Variants in UGT2B11 observed in about 807,000 individuals in gnomAD.
UGT2B11 encodes UDP-glucuronosyltransferase 2B11.
Under a neutral mutation model 51.7 loss-of-function variants are expected in UGT2B11, and 49 were observed. That is an observed-to-expected ratio of 0.95 (90% confidence interval 0.75 to 1.20). The LOEUF (loss-of-function observed/expected upper bound fraction) is 1.20. Among genes scored for constraint, UGT2B11 ranks in the 50% most tolerant of loss-of-function variants. The pLI is 0.00. For missense variants in UGT2B11, 810 were observed against 622.1 expected (o/e 1.30, Z -3.21); for synonymous variants, 273 against 209.0 (o/e 1.31, Z -2.64).
At chr4:69,212,853 A>G (rs984459227) in intron 1 of UGT2B11, 132 bp from the exon 2 acceptor site, 8 of 763,764 alleles carry the variant, frequency 1.0e-5, no homozygotes, top group Non-Finnish European at 1.2e-5. Context: ...ATATAAATAT[A>G]TATGAATAAT....
At chr4:69,209,698 C>T (rs896079139) in intron 2 of UGT2B11, among the ~76,000 whole-genome samples, 6 of 151,438 alleles carry the variant, frequency 4.0e-5, no homozygotes, top group Non-Finnish European at 7.4e-5. Context: ...ATACCTGGGG[C>T]TTCTAGGTGT....
chr4:69,211,943 C>T (rs1722080602), intron 2 of UGT2B11, among the ~76,000 whole-genome samples: 2 of 151,454 alleles, frequency 1.3e-5, no homozygotes, highest in South Asian at 4.2e-4. Context: ...TTAGTCATTC[C>T]CTGAAAACAA....
At chr4:69,217,402 A>G (rs2109959253), upstream of UGT2B11, among the ~76,000 whole-genome samples, 1 of 152,240 alleles carries the variant, frequency 6.6e-6, no homozygotes, top group East Asian at 1.9e-4. Flanking sequence ...TTCTGAGCAA[A>G]TATTGCCTGC....
At chr4:69,216,181 A>C (rs577258668), upstream of UGT2B11, 5 of 152,196 alleles carry the variant, frequency 3.3e-5, no homozygotes, top group South Asian at 6.2e-4. Flanking sequence ...CACTACTGAG[A>C]ACTGACATCT....
At chr4:69,213,131 C>G (rs1343934513) in intron 1 of UGT2B11, among the ~76,000 whole-genome samples, 1 of 150,582 alleles carries the variant, frequency 6.6e-6, no homozygotes, top group East Asian at 1.9e-4. Flanking sequence ...GTTTACACAA[C>G]TCATTAAGCT....
At chr4:69,215,353 T>C (rs1299634593), upstream of UGT2B11, 3 of 152,026 alleles carry the variant, frequency 2.0e-5, no homozygotes, top group Middle Eastern at 3.1e-3. Context: ...CTATTCAGGA[T>C]CTTTTTAAAA....
chr4:69,220,242 T>A, the UGT2B11 span, among the ~76,000 whole-genome samples: 1 of 104,910 alleles, frequency 9.5e-6, no homozygotes, highest in Non-Finnish European at 1.9e-5. Flanking sequence ...GCGGTGGGAT[T>A]CCATGGTCTT....
intron 2 of UGT2B11, among the ~76,000 whole-genome samples, chr4:69,212,222 T>C (rs1722092520): frequency 6.6e-6 from 1 of 151,298 alleles, no homozygotes; most frequent in African/African-American, 2.4e-5. Context: ...ACTGTGTCTA[T>C]TTTTTTTCTC....
intron 5 of UGT2B11, among the ~76,000 whole-genome samples, chr4:69,203,730 G>A (rs1259926118): frequency 6.6e-6 from 1 of 151,738 alleles, no homozygotes; most frequent in East Asian, 1.9e-4. Context: ...ATTAGGCTAT[G>A]TGAAATGTCA....
chr4:69,210,630 G>T (rs1291011812), intron 2 of UGT2B11, among the ~76,000 whole-genome samples: 34 of 151,340 alleles, frequency 2.2e-4, no homozygotes, highest in African/African-American at 4.4e-4. Context: ...CCTCCAATTT[G>T]CACTGTCAGT....
At chr4:69,208,590 T>C in intron 2 of UGT2B11, 108 bp from the exon 3 acceptor site, 2 of 1,521,286 alleles carry the variant, frequency 1.3e-6, no homozygotes, top group Non-Finnish European at 1.8e-6. Flanking sequence ...TTTGAGGAAT[T>C]ATTGGAATTA....
intron 2 of UGT2B11, chr4:69,211,117 G>T (rs572031235): frequency 6.6e-6 from 1 of 151,556 alleles, no homozygotes; most frequent in Non-Finnish European, 1.5e-5. Flanking sequence ...TGATTTGCTT[G>T]TCATAAGGCA....
rs368275880 is a variant in UGT2B11 at position 69,214,458 on chromosome 4, T to C, written c.265A>G (p.Ile89Val). 1.3e-4 allele frequency: 213 copies of C among 1,613,218 alleles called. No homozygotes were observed. The highest frequency in any genetic ancestry group is 1.7e-4 in the Non-Finnish European group (201 of 1,179,538). The change falls in exon 1 of 6, where the codon ATC becomes GTC. Residue 89 changes from isoleucine (I) to valine (V), a missense_variant. Coordinates refer to ENST00000446444, the MANE Select transcript of UGT2B11 (RefSeq NM_001073.3). ...CATCTCTTAACCTGTTGCATGATGA[T>C]ATTCTCAAATTCAGTTTTAGTTAAA... ...TSLTKTEFEN[I>V]IMQQVKRWSD...
At chr4:69,207,978 T>G (rs775177009) in intron 3 of UGT2B11, among the ~76,000 whole-genome samples, 18 of 151,636 alleles carry the variant, frequency 1.2e-4, no homozygotes, top group Non-Finnish European at 2.7e-4. Context: ...AAGACTACAT[T>G]AGGCACCATT....
intron 5 of UGT2B11, among the ~76,000 whole-genome samples, chr4:69,201,612 C>T (rs1468612872): frequency 6.6e-6 from 1 of 151,732 alleles, no homozygotes; most frequent in Non-Finnish European, 1.5e-5. Flanking sequence ...TGACCCTTCT[C>T]TCCTGCTCTT....
Position 69,204,512 on chromosome 4 carries a change from C to T in UGT2B11, c.1228G>A (p.Gly410Arg), listed in dbSNP as rs757406086. The T allele has an allele frequency of 1.2e-6, 2 of 1,612,276 alleles. No individual in the cohort carries two copies. The highest frequency in any genetic ancestry group is 2.2e-5 in the East Asian group (1 of 44,756). ...TTGAAGTCCAATCTAACAGCTGCTC[C>T]CTTGGCCTTCATGTGAGCAATGTTA... ...PDNIAHMKAK[G>R]AAVRLDFNTM... The change falls in exon 5 of 6, where the codon GGA becomes AGA. Residue 410 changes from glycine (G) to arginine (R), a missense_variant. Gly to Arg is a moderately radical substitution (Grantham distance 125). Transcript: ENST00000446444.
chr4:69,203,213 A>T (rs1471922235), intron 5 of UGT2B11, among the ~76,000 whole-genome samples: 2 of 151,752 alleles, frequency 1.3e-5, no homozygotes, highest in African/African-American at 4.8e-5. Flanking sequence ...TGGAATAGAC[A>T]TGTTTTCTAA....
chr4:69,221,794 G>A, the UGT2B11 span, among the ~76,000 whole-genome samples: 3 of 152,184 alleles, frequency 2.0e-5, no homozygotes, highest in Non-Finnish European at 2.9e-5. Flanking sequence ...GGCCCTCAAT[G>A]GTCAAACTTA....
intron 5 of UGT2B11, among the ~76,000 whole-genome samples, chr4:69,201,754 T>A (rs79652020): frequency 0.048 from 7,234 of 151,902 alleles, 210 homozygotes; most frequent in South Asian, 0.12. Flanking sequence ...CTGTCCTTAT[T>A]TTCTATTTGA....
Sources: allele counts gnomAD v4.1 joint callset (sites outside exome capture counted in the v4.1 genomes callset), GRCh38; gene constraint gnomAD v4.1.1; transcripts MANE v1.5; gene names NCBI Gene and HGNC (gene_info 2026-07-23, HGNC 2026-07-21).